GUCY1A1: variants seen among roughly 807,000 people sequenced by gnomAD.
The protein encoded by GUCY1A1 is guanylate cyclase 1 soluble subunit alpha 1.
GUCY1A1 carries 48 observed loss-of-function variants against 64.5 expected under a neutral mutation model. The observed-to-expected ratio is 0.74, with a 90% CI of 0.59 to 0.95. The LOEUF (loss-of-function observed/expected upper bound fraction) is 0.95. Among genes scored for constraint, GUCY1A1 ranks in the 40% least tolerant of loss-of-function variants. GUCY1A1 has a pLI of 0.00. For synonymous variants in GUCY1A1, 308 were observed against 303.4 expected (o/e 1.02, Z -0.16); for missense variants, 804 against 825.3 (o/e 0.97, Z 0.32).
At position 155,674,517 on chromosome 4, in the gene GUCY1A1, C is replaced by T. The variant is rs1009272484; in HGVS notation, c.-113+7098C>T. 8.8e-4 allele frequency among the ~76,000 whole-genome samples: 133 copies of T among 151,524 alleles called. 6 individuals are homozygous for T. Among genetic ancestry groups the T allele is most frequent in the African/African-American group, 3.2e-3 (129 of 40,898 alleles). ...GTCCAGCATCTTCGTTCTTTATATG[C>T]TTATTCTAACAGATTTTTTCTATTT... On this transcript the variant is annotated intron_variant, in intron 2 of 9. Coordinates refer to ENST00000506455, the MANE Select transcript of GUCY1A1 (RefSeq NM_001130682.3).
chr4:155,692,125 T>A (rs1378831359), intron 2 of GUCY1A1, among the ~76,000 whole-genome samples: 4 of 152,194 alleles, frequency 2.6e-5, no homozygotes, highest in Non-Finnish European at 4.4e-5. Context: ...GGACATGATC[T>A]CATTCTTTTT....
rs759036469 is a variant in GUCY1A1 at position 155,717,156 on chromosome 4, T to C, written c.1573-3T>C. ...TATAGTATGGAAAATATATTATGTC[T>C]AGGTGGAGACCATTGGCGATGCCTA... On this transcript the variant is annotated splice_region_variant and splice_polypyrimidine_tract_variant and intron_variant, in intron 7 of 9. Transcript: ENST00000506455. 1.4e-6 allele frequency: 2 copies of C among 1,455,156 alleles called. No homozygotes were observed. Among genetic ancestry groups the C allele is most frequent in the Non-Finnish European group, 1.8e-6 (2 of 1,088,780 alleles). The allele number at this position is 1,455,156 out of a possible 1,614,324, so 90.1% of individuals were successfully genotyped here. A position where few individuals can be genotyped will look rare whatever the true frequency, so the allele number is the denominator to read the frequency against.
At chr4:155,726,448 G>A (rs1431480514) in intron 9 of GUCY1A1, among the ~76,000 whole-genome samples, 1 of 151,942 alleles carries the variant, frequency 6.6e-6, no homozygotes, top group Non-Finnish European at 1.5e-5. Flanking sequence ...TATAGTACAA[G>A]AAGCGGCTGC....
At position 155,734,005 on chromosome 4, in the gene GUCY1A1, C is replaced by T. The variant is rs74904536; in HGVS notation, c.*3774C>T. ...TCAAGGCTAATTAGTCTTTCAGATCCTTTGGTAGGGAGGAAAGAAGAGTTG... is the reference window on the plus strand; with the variant it reads ...TCAAGGCTAATTAGTCTTTCAGATCTTTTGGTAGGGAGGAAAGAAGAGTTG... On this transcript the variant is annotated 3_prime_UTR_variant, in exon 10 of 10. Transcript: ENST00000506455. Among the ~76,000 whole-genome samples, 1 of 151,830 alleles carries T rather than the reference C, an allele frequency of 6.6e-6. No individual in the cohort carries two copies. The highest frequency in any genetic ancestry group is 1.5e-5 in the Non-Finnish European group (1 of 67,884).
chr4:155,726,645 A>C (rs1033117130), intron 9 of GUCY1A1, among the ~76,000 whole-genome samples: 2 of 152,028 alleles, frequency 1.3e-5, no homozygotes, highest in African/African-American at 4.8e-5. Flanking sequence ...CCAAAAAAAA[A>C]CCTGTATCTT....
intron 2 of GUCY1A1, among the ~76,000 whole-genome samples, chr4:155,675,077 G>A (rs929652767): frequency 6.6e-6 from 1 of 151,498 alleles, no homozygotes; most frequent in Non-Finnish European, 1.5e-5. Context: ...GATTGTGTAT[G>A]TGGTCCATAG....
At chr4:155,727,673 T>TA (rs1368140696) in intron 9 of GUCY1A1, among the ~76,000 whole-genome samples, 2 of 151,524 alleles carry the variant, frequency 1.3e-5, no homozygotes, top group African/African-American at 2.4e-5. Context: ...TTTAAACATA[T>TA]AAAAAAACAA....
chr4:155,667,667 G>A (rs1479427354), intron 2 of GUCY1A1: 1 of 151,810 alleles, frequency 6.6e-6, no homozygotes, highest in African/African-American at 2.4e-5. Context: ...AGCACAGACG[G>A]GGGTGGGCGC....
intron 2 of GUCY1A1, among the ~76,000 whole-genome samples, chr4:155,683,742 A>G (rs1264069664): frequency 6.6e-6 from 1 of 152,248 alleles, no homozygotes; most frequent in South Asian, 2.1e-4. Flanking sequence ...TTAGCATGAT[A>G]TATAGACGAA....
chr4:155,678,510 T>C (rs1452402426), intron 2 of GUCY1A1, among the ~76,000 whole-genome samples: 1 of 152,220 alleles, frequency 6.6e-6, no homozygotes, highest in Non-Finnish European at 1.5e-5. Context: ...TCAAATCCCT[T>C]GAGGAATGTT....
At chr4:155,694,702 T>G (rs1346876395) in intron 2 of GUCY1A1, among the ~76,000 whole-genome samples, 3 of 152,174 alleles carry the variant, frequency 2.0e-5, no homozygotes, top group Non-Finnish European at 4.4e-5. Context: ...ATAAAGACCA[T>G]GTAACCTGCA....
chr4:155,723,627 CATTTATTT>C (rs3070258), intron 9 of GUCY1A1, among the ~76,000 whole-genome samples: 30,669 of 146,896 alleles, frequency 0.21, 3,241 homozygotes, highest in Middle Eastern at 0.29. Flanking sequence ...TCTTCTTCTG[CATTTATTT>C]ATTTATTTAT....
At chr4:155,725,452 G>A (rs774555609) in intron 9 of GUCY1A1, among the ~76,000 whole-genome samples, 3 of 152,066 alleles carry the variant, frequency 2.0e-5, no homozygotes, top group Non-Finnish European at 4.4e-5. Flanking sequence ...ATCCTATTAA[G>A]TAGGAGTCAG....
chr4:155,690,497 T>G (rs1729592915), intron 2 of GUCY1A1, among the ~76,000 whole-genome samples: 1 of 152,242 alleles, frequency 6.6e-6, no homozygotes, highest in Non-Finnish European at 1.5e-5. Context: ...GCCCTTAGAA[T>G]AGAGTATTAT....
intron 2 of GUCY1A1, among the ~76,000 whole-genome samples, chr4:155,690,693 T>C (rs1729620613): frequency 6.6e-6 from 1 of 152,146 alleles, no homozygotes; most frequent in Non-Finnish European, 1.5e-5. Context: ...CTGACGCAGC[T>C]CAGATGTTTC....
At chr4:155,725,512 T>C (rs1734539457) in intron 9 of GUCY1A1, among the ~76,000 whole-genome samples, 2 of 152,100 alleles carry the variant, frequency 1.3e-5, no homozygotes, top group Admixed American at 1.3e-4. Context: ...TGTTAAGTGA[T>C]GTGTTATGTG....
At chr4:155,708,669 T>G (rs1006640997) in intron 5 of GUCY1A1, among the ~76,000 whole-genome samples, 2 of 152,208 alleles carry the variant, frequency 1.3e-5, no homozygotes, top group African/African-American at 4.8e-5. Flanking sequence ...GTTAACAGTA[T>G]TCTCACATTA....
intron 5 of GUCY1A1, among the ~76,000 whole-genome samples, chr4:155,710,330 C>T (rs1256829188): frequency 6.6e-6 from 1 of 152,020 alleles, no homozygotes; most frequent in Non-Finnish European, 1.5e-5. Flanking sequence ...TTTTAATGAA[C>T]TAGTTTGGGA....
intron 2 of GUCY1A1, among the ~76,000 whole-genome samples, chr4:155,669,760 C>T (rs1733872264): frequency 1.3e-5 from 2 of 152,132 alleles, no homozygotes; most frequent in South Asian, 4.2e-4. Context: ...TATCTAACAT[C>T]ACTTTTATTG....
Sources: allele counts gnomAD v4.1 joint callset (sites outside exome capture counted in the v4.1 genomes callset), GRCh38; gene constraint gnomAD v4.1.1; transcripts MANE v1.5; gene names NCBI Gene and HGNC (gene_info 2026-07-23, HGNC 2026-07-21).